MMS22L: variants seen among roughly 807,000 people sequenced by gnomAD.
MMS22L encodes the protein MMS22 like, DNA repair protein.
A neutral mutation model predicts 159.1 loss-of-function variants in MMS22L; 74 were observed. That is an observed-to-expected ratio of 0.47 (90% CI 0.39 to 0.56). The LOEUF (loss-of-function observed/expected upper bound fraction) is 0.56, where lower values mean the gene tolerates loss of function less well. MMS22L is among the 20% of genes least tolerant of loss of function. MMS22L has a pLI of 0.00. For missense variants in MMS22L, 1,351 were observed against 1,422.1 expected (o/e 0.95, Z 0.80); for synonymous variants, 517 against 506.9 (o/e 1.02, Z -0.27).
chr6:97,193,502 TAA>T (rs1806110644), intron 14 of MMS22L, among the ~76,000 whole-genome samples: 2 of 152,184 alleles, frequency 1.3e-5, no homozygotes, highest in Admixed American at 6.5e-5. Context: ...TAAAATTACT[TAA>T]GTTTTTCAGT....
At chr6:97,182,119 C>T (rs1804780637) in intron 15 of MMS22L, 65 bp from the exon 16 acceptor site, 2 of 1,337,518 alleles carry the variant, frequency 1.5e-6, no homozygotes, top group South Asian at 3.1e-5. Context: ...ACCCACACAC[C>T]CCTGGCCAAT....
chr6:97,244,199 G>A (rs1436744210), intron 11 of MMS22L, among the ~76,000 whole-genome samples: 1 of 152,188 alleles, frequency 6.6e-6, no homozygotes, highest in Non-Finnish European at 1.5e-5. Context: ...TTGGCCTCCA[G>A]CCAGGAGGTG....
At chr6:97,221,941 C>T (rs1809702422) in intron 14 of MMS22L, among the ~76,000 whole-genome samples, 1 of 151,926 alleles carries the variant, frequency 6.6e-6, no homozygotes, top group Admixed American at 6.6e-5. Flanking sequence ...AAGCTGTAAC[C>T]CATTCATACT....
rs1800925386 is a variant in MMS22L at position 97,146,319 on chromosome 6, TAC to T, written c.*485_*486del. On this transcript the variant is annotated 3_prime_UTR_variant, in exon 25 of 25. Transcript: ENST00000683635. ...CACACATATAAAAAAGAAAAACAAA[TAC>T]ACAGTCACATTTCCCAACACCTTTC... is the stretch of plus-strand genomic sequence containing the variant. 3 of 152,304 alleles carry T rather than the reference TAC, an allele frequency of 2.0e-5. No individual in the cohort carries two copies. Among genetic ancestry groups the T allele is most frequent in the Admixed American group, 1.3e-4 (2 of 15,284 alleles). 9.4% of individuals were successfully genotyped at this position (152,304 alleles called of 1,614,324 possible).
intron 7 of MMS22L, among the ~76,000 whole-genome samples, chr6:97,268,904 C>T (rs1319248150): frequency 6.6e-6 from 1 of 151,620 alleles, no homozygotes; most frequent in Non-Finnish European, 1.5e-5. Flanking sequence ...TAAGTATATA[C>T]ATATATAGAC....
In MMS22L at chr6:97,144,128, A is replaced by AAG. The variant is rs771539244; in HGVS notation, c.*2677_*2678insCT. The stretch of plus-strand genomic sequence containing the variant: ...AACAAAAAAAAAAAAAAAAAAAAAA[A>AAG]GAGAGAGAAAAGCTGGAGTTATCAG... On this transcript the variant is annotated 3_prime_UTR_variant, in exon 25 of 25. Transcript: ENST00000683635. 1.2e-5 allele frequency: 1 copy of AAG among 81,926 alleles called. No homozygotes were observed. The highest frequency in any genetic ancestry group is 4.2e-5 in the African/African-American group (1 of 23,898). The allele number at this position is 81,926 out of a possible 1,614,324, so 5.1% of individuals were successfully genotyped here.
intron 1 of MMS22L, 99 bp downstream of exon 1, chr6:97,282,997 C>G (rs1008896767): frequency 6.6e-6 from 1 of 152,336 alleles, no homozygotes; most frequent in Non-Finnish European, 1.5e-5. Flanking sequence ...CAGGCCCACG[C>G]CTGGCAGCAC....
intron 24 of MMS22L, among the ~76,000 whole-genome samples, chr6:97,147,443 A>G (rs1389051833): frequency 1.3e-5 from 2 of 152,184 alleles, no homozygotes; most frequent in African/African-American, 4.8e-5. Flanking sequence ...TAGTTATCTC[A>G]CTAGTCTAAA....
At chr6:97,205,007 G>C (rs1380272737) in intron 14 of MMS22L, among the ~76,000 whole-genome samples, 1 of 133,552 alleles carries the variant, frequency 7.5e-6, no homozygotes, top group Non-Finnish European at 1.6e-5. Context: ...GCAATGGCGC[G>C]ATCACAGCTC....
intron 17 of MMS22L, among the ~76,000 whole-genome samples, 156 bp from the exon 18 acceptor site, chr6:97,178,741 A>G (rs1032041183): frequency 1.3e-5 from 2 of 152,088 alleles, no homozygotes; most frequent in East Asian, 1.9e-4. Context: ...CCACACAAGG[A>G]CTTCAAATTA....
intron 14 of MMS22L, among the ~76,000 whole-genome samples, chr6:97,196,010 A>G (rs1478413633): frequency 6.6e-6 from 1 of 152,190 alleles, no homozygotes; most frequent in Non-Finnish European, 1.5e-5. Context: ...ATAATTTGAT[A>G]TGAAAAGAGA....
intron 10 of MMS22L, among the ~76,000 whole-genome samples, chr6:97,248,796 T>C (rs1003736048): frequency 4.0e-5 from 6 of 151,394 alleles, no homozygotes; most frequent in Admixed American, 3.3e-4. Context: ...GAGGCAGAGG[T>C]TGCAGTGAGC....
intron 22 of MMS22L, among the ~76,000 whole-genome samples, chr6:97,154,255 T>C (rs1311895547): frequency 1.3e-5 from 2 of 152,230 alleles, no homozygotes; most frequent in Non-Finnish European, 2.9e-5. Context: ...ATTGGCCGTT[T>C]ATTTTCTTTG....
At chr6:97,203,727 G>A (rs895221399) in intron 14 of MMS22L, among the ~76,000 whole-genome samples, 2 of 152,094 alleles carry the variant, frequency 1.3e-5, no homozygotes, top group Non-Finnish European at 2.9e-5. Flanking sequence ...CCAGAGCTGG[G>A]ACAATCAATG....
At chr6:97,200,682 T>A (rs767144941) in intron 14 of MMS22L, among the ~76,000 whole-genome samples, 1 of 152,038 alleles carries the variant, frequency 6.6e-6, no homozygotes, top group African/African-American at 2.4e-5. Flanking sequence ...ACCTGTGATA[T>A]CTCATAAAAT....
Position 97,145,022 on chromosome 6 carries a change from A to AACCCC in MMS22L, c.*1783_*1784insGGGGT, listed in dbSNP as rs1554253251. On this transcript the variant is annotated 3_prime_UTR_variant, in exon 25 of 25. Coordinates refer to ENST00000683635, the MANE Select transcript of MMS22L (RefSeq NM_001350599.2). ...TATCAATCTCCTTTGGAAAAAAAAA[A>AACCCC]CCCACACACACACACACACACACAC... 2.9e-5 allele frequency: 3 copies of AACCCC among 103,278 alleles called. No homozygotes were observed. The highest frequency in any genetic ancestry group is 5.7e-5 in the Non-Finnish European group (3 of 52,844). The allele number at this position is 103,278 out of a possible 1,614,324, so 6.4% of individuals were successfully genotyped here.
intron 5 of MMS22L, 47 bp from the exon 6 acceptor site, chr6:97,272,928 C>A (rs1384446986): frequency 1.2e-6 from 2 of 1,606,072 alleles, no homozygotes; most frequent in East Asian, 4.5e-5. Context: ...TGTGTGAATA[C>A]ACACAGAAAT....
intron 14 of MMS22L, among the ~76,000 whole-genome samples, chr6:97,206,916 T>C (rs1022809840): frequency 6.6e-6 from 1 of 152,178 alleles, no homozygotes; most frequent in Non-Finnish European, 1.5e-5. Flanking sequence ...TTTTAAGTTA[T>C]GTTAACACTA....
chr6:97,181,809 A>G, intron 16 of MMS22L, 95 bp downstream of exon 16: 1 of 1,308,586 alleles, frequency 7.6e-7, no homozygotes, highest in Non-Finnish European at 1.0e-6. Flanking sequence ...TATGTAGTAG[A>G]GATCAGTCCT....
Sources: gnomAD v4.1 joint callset for allele counts (sites outside exome capture counted in the v4.1 genomes callset) on GRCh38, gnomAD v4.1.1 for gene constraint, MANE v1.5 for transcripts, NCBI Gene and HGNC (gene_info 2026-07-23, HGNC 2026-07-21) for gene names.